The following ANK3 variants were observed in gnomAD, a reference collection of about 807,000 sequenced individuals.
ANK3 encodes the protein ankyrin-3.
Under a neutral mutation model 370.9 loss-of-function variants are expected in ANK3, and 57 were observed. The ratio of observed to expected loss-of-function variants is 0.15; its 90% confidence interval spans 0.12 to 0.19. The LOEUF (loss-of-function observed/expected upper bound fraction) is 0.19. Ranked by LOEUF, ANK3 falls within the 10% of genes least tolerant of loss-of-function variation. The pLI is 1.00. For synonymous variants in ANK3, 1,929 were observed against 1,946.3 expected, an observed-to-expected ratio of 0.99 and a Z score of 0.23; for missense variants, 4,439 against 5,302.1, an observed-to-expected ratio of 0.84 and a Z score of 5.06.
At chr10:60,548,042 G>A (rs1353828244) in intron 2 of ANK3, among the ~76,000 whole-genome samples, 4 of 152,028 alleles carry the variant, frequency 2.6e-5, no homozygotes, top group Non-Finnish European at 5.9e-5. Context: ...CTGAGGACAG[G>A]TTCTCATCAT....
chr10:60,073,449 A>T lies in ANK3; in HGVS notation c.7432T>A (p.Ser2478Thr). 1 of 1,614,024 alleles carries T rather than the reference A, an allele frequency of 6.2e-7. No individual in the cohort carries two copies. Among genetic ancestry groups the T allele is most frequent in the Non-Finnish European group, 8.5e-7 (1 of 1,179,992 alleles). ...TCTGTAACCGATTCCTCAGTATCAG[A>T]ATGAGACACATCTAGCTTTTCTGAC... ...LLSEKLDVSHSDTEESVTDHA... is the reference protein window; with the variant it reads ...LLSEKLDVSHTDTEESVTDHA... Residue 2478 changes from serine to threonine, a missense_variant, in exon 37 of 44, where the codon TCT becomes ACT. By Grantham distance (58) the Ser-to-Thr change is moderately conservative. This residue lies in a region of ANK3 where 1,601 missense variants were observed against 1,731.7 expected (regional missense o/e 0.92). Transcript: ENST00000280772.
chr10:60,083,587 A>T lies in ANK3; in HGVS notation c.4105T>A (p.Cys1369Ser). The change falls in exon 33 of 44, where the codon TGT becomes AGT. Residue 1369 changes from cysteine (C) to serine (S), a missense_variant. Physicochemically the swap from Cys to Ser is moderately radical, Grantham distance 112 (BLOSUM62 -1). This residue lies in a region of ANK3 where 702 missense variants were observed against 941.5 expected (regional missense o/e 0.75). Coordinates refer to ENST00000280772, the MANE Select transcript of ANK3 (RefSeq NM_020987.5). ...VLEGKPIYVDCYGNLAPLTKG... is the reference protein window; with the variant it reads ...VLEGKPIYVDSYGNLAPLTKG... ...GTAAGTGGGGCCAAATTTCCATAAC[A>T]ATCAACATAAATAGGTTTTCCTTCC... The T allele has an allele frequency of 6.2e-7, 1 of 1,609,350 alleles. No individual in the cohort carries two copies. Among genetic ancestry groups the T allele is most frequent in the Non-Finnish European group, 8.5e-7 (1 of 1,177,316 alleles).
chr10:60,308,571 T>C (rs2045692805), intron 1 of ANK3, among the ~76,000 whole-genome samples: 1 of 152,076 alleles, frequency 6.6e-6, no homozygotes, highest in African/African-American at 2.4e-5. Context: ...CCACTGTGCC[T>C]GGCCGGAATC....
intron 42 of ANK3, among the ~76,000 whole-genome samples, chr10:60,049,860 A>C (rs1041059325): frequency 1.3e-5 from 2 of 152,060 alleles, no homozygotes; most frequent in Non-Finnish European, 2.9e-5. Flanking sequence ...TCAGAGAAAA[A>C]CTTCTTTATC....
chr10:60,304,720 A>T (rs894594511), intron 1 of ANK3, among the ~76,000 whole-genome samples: 7 of 152,192 alleles, frequency 4.6e-5, no homozygotes, highest in African/African-American at 1.7e-4. Context: ...AAGATGGAAA[A>T]AATATTGAAA....
At chr10:60,501,436 G>C (rs1035338930) in intron 2 of ANK3, among the ~76,000 whole-genome samples, 2 of 152,144 alleles carry the variant, frequency 1.3e-5, no homozygotes, top group Non-Finnish European at 1.5e-5. Context: ...CGGGTGCAGC[G>C]GCTCACGCCT....
At chr10:60,731,815 G>A (rs539143100) in intron 1 of ANK3, among the ~76,000 whole-genome samples, 1 of 152,164 alleles carries the variant, frequency 6.6e-6, no homozygotes, top group African/African-American at 2.4e-5. Flanking sequence ...GAAGTCCCAT[G>A]TAACCCCAGG....
In ANK3 at chr10:60,389,818, G is replaced by T; in HGVS notation, c.-280C>A. ...ATTTACCGTAGTGAAGAAGACAGCT[G>T]GGACAGAGGAAGCTGTATTATGGCT... On this transcript the variant is annotated 5_prime_UTR_variant, in exon 1 of 44. Coordinates refer to ENST00000280772, the MANE Select transcript of ANK3 (RefSeq NM_020987.5). 8.3e-7 allele frequency: 1 copy of T among 1,203,244 alleles called. No homozygotes were observed. Among genetic ancestry groups the T allele is most frequent in the Non-Finnish European group, 1.0e-6 (1 of 965,622 alleles). 74.5% of individuals were successfully genotyped at this position (1,203,244 alleles called of 1,614,324 possible).
chr10:60,718,305 A>G (rs1178825914), intron 1 of ANK3, among the ~76,000 whole-genome samples: 2 of 152,244 alleles, frequency 1.3e-5, no homozygotes, highest in African/African-American at 4.8e-5. Context: ...TTTTTCAGTA[A>G]TAAACAACCT....
chr10:60,229,627 A>C (rs1026206309), intron 8 of ANK3, among the ~76,000 whole-genome samples: 11 of 152,190 alleles, frequency 7.2e-5, no homozygotes, highest in Non-Finnish European at 1.3e-4. Flanking sequence ...GTGCCTTGAA[A>C]ACACTTCATC....
chr10:60,611,171 C>G (rs2078196414), intron 2 of ANK3, among the ~76,000 whole-genome samples: 1 of 152,116 alleles, frequency 6.6e-6, no homozygotes, highest in Admixed American at 6.5e-5. Context: ...AGAACAGAAA[C>G]CAATACAAAT....
intron 1 of ANK3, among the ~76,000 whole-genome samples, chr10:60,296,438 G>A (rs2132777662): frequency 6.6e-6 from 1 of 152,310 alleles, no homozygotes. Context: ...CATGGAAAAT[G>A]ACAGCCTGAT....
chr10:60,473,887 T>C (rs1333497033), intron 2 of ANK3, among the ~76,000 whole-genome samples: 1 of 149,252 alleles, frequency 6.7e-6, no homozygotes, highest in Non-Finnish European at 1.5e-5. Flanking sequence ...ATCAGTACTT[T>C]GGAAGGCCAA....
intron 1 of ANK3, among the ~76,000 whole-genome samples, chr10:60,678,362 T>C (rs1034655895): frequency 6.6e-6 from 1 of 152,094 alleles, no homozygotes; most frequent in African/African-American, 2.4e-5. Flanking sequence ...AACAATTTAG[T>C]GGGCAAGGTT....
intron 7 of ANK3, among the ~76,000 whole-genome samples, chr10:60,261,587 G>A (rs565609849): frequency 7.4e-4 from 112 of 152,250 alleles, no homozygotes; most frequent in Non-Finnish European, 1.3e-3. Context: ...CCCCAGCCAC[G>A]ATTCCTTGAA....
intron 1 of ANK3, among the ~76,000 whole-genome samples, chr10:60,388,104 A>T (rs575112802): frequency 1.3e-5 from 2 of 152,104 alleles, no homozygotes; most frequent in South Asian, 4.1e-4. Flanking sequence ...TTTCATAACA[A>T]CTGTGCTGTG....
intron 1 of ANK3, among the ~76,000 whole-genome samples, chr10:60,281,883 C>T (rs2098168411): frequency 6.6e-6 from 1 of 152,132 alleles, no homozygotes; most frequent in Admixed American, 6.5e-5. Context: ...ATCATTTAAT[C>T]AGAGCAGAGG....
At chr10:60,215,346 G>T (rs576910918) in intron 8 of ANK3, among the ~76,000 whole-genome samples, 48 of 152,096 alleles carry the variant, frequency 3.2e-4, no homozygotes, top group Non-Finnish European at 5.9e-4. Context: ...TTGCTGTGCA[G>T]AAGCTCTTTA....
intron 1 of ANK3, among the ~76,000 whole-genome samples, chr10:60,617,679 G>A (rs559974850): frequency 4.8e-4 from 73 of 152,278 alleles, no homozygotes; most frequent in African/African-American, 1.7e-3. Flanking sequence ...TGTGCTCACA[G>A]TATAAACTTT....
Sources: allele counts gnomAD v4.1 joint callset (sites outside exome capture counted in the v4.1 genomes callset), GRCh38; gene constraint gnomAD v4.1.1; regional missense constraint gnomAD v4.1.1; transcripts MANE v1.5; gene names NCBI Gene and HGNC (gene_info 2026-07-23, HGNC 2026-07-21).